The following ORC3 variants were observed in gnomAD, a reference collection of about 807,000 sequenced individuals.
ORC3 encodes homolog of latheo, Drosophila.
Under a neutral mutation model 100.7 loss-of-function variants are expected in ORC3, and 78 were observed. The observed-to-expected ratio is 0.77, with a 90% CI of 0.65 to 0.94. The LOEUF (loss-of-function observed/expected upper bound fraction) is 0.94. Among genes scored for constraint, ORC3 ranks in the 40% least tolerant of loss-of-function variants. ORC3 has a pLI of 0.00. For missense variants in ORC3, 789 were observed against 823.9 expected, an observed-to-expected ratio of 0.96 and a Z score of 0.52; for synonymous variants, 295 against 289.3, an observed-to-expected ratio of 1.02 and a Z score of -0.20.
chr6:87,603,391 A>G lies in ORC3; in HGVS notation c.185A>G (p.Gln62Arg). 2 of 1,482,328 alleles carry G rather than the reference A, an allele frequency of 1.3e-6. No homozygotes were observed. The highest frequency in any genetic ancestry group is 2.3e-5 in the East Asian group (1 of 43,690). 91.8% of individuals were successfully genotyped at this position (1,482,328 alleles called of 1,614,324 possible). ...TTTGTGTGTTCTTTGTAGCGACTACAAGAGGAATTAAATAAAAACTTGTTT... is the reference window on the plus strand; with the variant it reads ...TTTGTGTGTTCTTTGTAGCGACTACGAGAGGAATTAAATAAAAACTTGTTT... ...QQMKSENERL[Q>R]EELNKNLFDN... Residue 62 changes from glutamine (Q) to arginine (R), a missense_variant, in exon 4 of 20, where the codon CAA becomes CGA. Physicochemically the swap from Gln to Arg is conservative, Grantham distance 43 (BLOSUM62 1). Around this residue, in one of 3 missense-constraint regions of ORC3, gnomAD observed 399 missense variants for 382.0 expected, o/e 1.04. Transcript: ENST00000392844.
chr6:87,638,792 T>G (rs2128280269), intron 13 of ORC3, among the ~76,000 whole-genome samples: 1 of 152,324 alleles, frequency 6.6e-6, no homozygotes, highest in African/African-American at 2.4e-5. Flanking sequence ...ATTACTTAGT[T>G]ACACTTAACA....
At chr6:87,591,196 C>T (rs1776882544) in intron 1 of ORC3, among the ~76,000 whole-genome samples, 1 of 152,198 alleles carries the variant, frequency 6.6e-6, no homozygotes, top group Non-Finnish European at 1.5e-5. Flanking sequence ...TTCTGTTGGA[C>T]AGCGCTGTTC....
Position 87,663,117 on chromosome 6 carries a change from A to T in ORC3, c.1806A>T (p.Ala602=), listed in dbSNP as rs1162149812. 6.2e-7 allele frequency: 1 copy of T among 1,612,670 alleles called. No individual in the cohort carries two copies. The highest frequency in any genetic ancestry group is 1.7e-5 in the Admixed American group (1 of 60,002). ...NAAPRIALHT[A]LNNPYYYLKN... ...CTCCGCGAATTGCCCTCCATACTGC[A>T]CTCAACAATCCTTACTATTATCTCA... Residue 602 remains alanine (A), a synonymous_variant, in exon 17 of 20, where the codon GCA becomes GCT. Transcript: ENST00000392844.
the ORC3 span, among the ~76,000 whole-genome samples, chr6:87,677,200 G>C: frequency 1.3e-5 from 2 of 152,104 alleles, no homozygotes; most frequent in East Asian, 1.9e-4. Context: ...GATAACAAAA[G>C]CTAACAACAA....
chr6:87,671,528 G>A (rs922046853), downstream of ORC3, among the ~76,000 whole-genome samples: 4 of 151,992 alleles, frequency 2.6e-5, no homozygotes, highest in African/African-American at 9.7e-5. Context: ...ATGTCCTTAT[G>A]ATGAGATCAC....
intron 11 of ORC3, among the ~76,000 whole-genome samples, chr6:87,634,494 C>G (rs529980308): frequency 1.3e-5 from 2 of 152,350 alleles, no homozygotes; most frequent in South Asian, 4.1e-4. Flanking sequence ...AAAGCACCTT[C>G]CCTTGCTGTG....
intron 13 of ORC3, among the ~76,000 whole-genome samples, chr6:87,638,320 GA>G (rs1259285108): frequency 6.6e-6 from 1 of 152,146 alleles, no homozygotes; most frequent in Non-Finnish European, 1.5e-5. Context: ...ATTTGATGTA[GA>G]GCAGAAGTCA....
chr6:87,630,677 G>A lies in ORC3; in HGVS notation c.1186-4168G>A, dbSNP rs79190941. Among the ~76,000 whole-genome samples, 217 of 152,302 alleles carry A rather than the reference G, an allele frequency of 1.4e-3. 5 individuals are homozygous for A. The East Asian group carries it at 0.031, about 22-fold the overall frequency. ...AAGAAGGATATGAAGTTCCATGTGCGTGGGAAGTGGAGTCAAAATTTTAAA... is the reference window on the plus strand; with the variant it reads ...AAGAAGGATATGAAGTTCCATGTGCATGGGAAGTGGAGTCAAAATTTTAAA... On this transcript the variant is annotated intron_variant, in intron 11 of 19. Transcript: ENST00000392844.
chr6:87,616,688 T>C (rs2128259713), intron 9 of ORC3, among the ~76,000 whole-genome samples: 1 of 152,182 alleles, frequency 6.6e-6, no homozygotes, highest in Middle Eastern at 3.4e-3. Flanking sequence ...GCAAGCAGAC[T>C]TTTTTGGTTT....
In ORC3 at chr6:87,590,188, C is replaced by T; in HGVS notation, c.20C>T (p.Ser7Phe). The T allele has an allele frequency of 6.2e-7, 1 of 1,614,026 alleles. No homozygotes were observed. Among genetic ancestry groups the T allele is most frequent in the African/African-American group, 1.3e-5 (1 of 75,066 alleles). ...AAGACCATGGCTACGTCCTCGATGT[C>T]TAAGGTATGTGGTGGCCGATGCGCA... is the stretch of plus-strand genomic sequence containing the variant. Reference protein sequence around the residue: MATSSMSKGCFVFKPNS... With the variant: MATSSMFKGCFVFKPNS... Residue 7 changes from serine to phenylalanine, a missense_variant, in exon 1 of 20, where the codon TCT becomes TTT. Ser to Phe is a radical substitution (Grantham distance 155). Around this residue, in one of 3 missense-constraint regions of ORC3, gnomAD observed 399 missense variants for 382.0 expected, o/e 1.04. Coordinates refer to ENST00000392844, the MANE Select transcript of ORC3 (RefSeq NM_012381.4).
chr6:87,650,029 A>G (rs1769125257), intron 13 of ORC3, among the ~76,000 whole-genome samples: 1 of 145,432 alleles, frequency 6.9e-6, no homozygotes. Flanking sequence ...GCATGCATAT[A>G]TATTTTTTAT....
chr6:87,649,956 G>A (rs900649776), intron 13 of ORC3, among the ~76,000 whole-genome samples: 2 of 150,668 alleles, frequency 1.3e-5, no homozygotes, highest in African/African-American at 4.9e-5. Flanking sequence ...TTGAACATGG[G>A]CTTTTTTTTC....
chr6:87,628,804 T>G (rs980479664), intron 11 of ORC3, among the ~76,000 whole-genome samples: 3 of 152,164 alleles, frequency 2.0e-5, no homozygotes, highest in African/African-American at 7.2e-5. Context: ...CCCACCTCTT[T>G]CTGTTTCTTT....
At chr6:87,596,293 C>T (rs1777436879) in intron 2 of ORC3, among the ~76,000 whole-genome samples, 1 of 151,912 alleles carries the variant, frequency 6.6e-6, no homozygotes, top group African/African-American at 2.4e-5. Context: ...GCCACAATGC[C>T]TGGCTAATTT....
At chr6:87,667,759 T>G (rs1770742437), downstream of ORC3, among the ~76,000 whole-genome samples, 1 of 151,820 alleles carries the variant, frequency 6.6e-6, no homozygotes, top group Non-Finnish European at 1.5e-5. Flanking sequence ...AAACCCCATC[T>G]CTCCTAAGAA....
chr6:87,675,894 T>C, the ORC3 span: 18 of 1,613,870 alleles, frequency 1.1e-5, no homozygotes, highest in Admixed American at 2.5e-4. Context: ...GTCGCATTAT[T>C]TGATCATGCG....
At chr6:87,671,395 T>TA (rs1034064493), downstream of ORC3, among the ~76,000 whole-genome samples, 1 of 151,948 alleles carries the variant, frequency 6.6e-6, no homozygotes, top group Admixed American at 6.6e-5. Flanking sequence ...GAGTGGCCAT[T>TA]AAGTGATTGA....
At chr6:87,671,644 C>CA (rs1184066195), downstream of ORC3, among the ~76,000 whole-genome samples, 1 of 152,084 alleles carries the variant, frequency 6.6e-6, no homozygotes, top group African/African-American at 2.4e-5. Flanking sequence ...AACAGCAAGA[C>CA]AGAGAAGGAG....
chr6:87,635,044 C>T (rs1021557435), intron 12 of ORC3, 83 bp downstream of exon 12: 8 of 801,742 alleles, frequency 1.0e-5, no homozygotes, highest in Middle Eastern at 2.2e-4. Flanking sequence ...ATTCAGGCAT[C>T]AGAATGTGAA....
Sources: allele counts gnomAD v4.1 joint callset (sites outside exome capture counted in the v4.1 genomes callset), GRCh38; gene constraint gnomAD v4.1.1; regional missense constraint gnomAD v4.1.1; transcripts MANE v1.5; gene names NCBI Gene and HGNC (gene_info 2026-07-23, HGNC 2026-07-21).